The following JAK2 variants were observed in gnomAD, a reference collection of about 807,000 sequenced individuals.
JAK2 encodes tyrosine-protein kinase JAK2.
Under a neutral mutation model 139.3 loss-of-function variants are expected in JAK2, and 86 were observed. That is an observed-to-expected ratio of 0.62 (90% CI 0.52 to 0.74). The LOEUF is 0.74. JAK2 is among the 30% of genes least tolerant of loss of function. JAK2 has a pLI of 0.00. For missense variants in JAK2, 1,421 were observed against 1,360.3 expected (o/e 1.04, Z -0.70); for synonymous variants, 490 against 437.7 (o/e 1.12, Z -1.49).
chr9:4,991,948 T>C (rs1054267967), intron 2 of JAK2, among the ~76,000 whole-genome samples: 2 of 152,204 alleles, frequency 1.3e-5, no homozygotes, highest in African/African-American at 2.4e-5. Flanking sequence ...CTGATTGCTA[T>C]TGCTGTGTAA....
intron 8 of JAK2, among the ~76,000 whole-genome samples, chr9:5,060,027 A>G (rs920539227): frequency 6.6e-6 from 1 of 152,212 alleles, no homozygotes; most frequent in African/African-American, 2.4e-5. Flanking sequence ...CAAATTTTGC[A>G]ATGAAGTGAG....
At chr9:5,055,957 A>G (rs550945745) in intron 8 of JAK2, among the ~76,000 whole-genome samples, 169 bp downstream of exon 8, 2 of 152,152 alleles carry the variant, frequency 1.3e-5, no homozygotes, top group African/African-American at 4.8e-5. Context: ...AGCTTTTTGT[A>G]TTACTATCAA....
At chr9:5,058,956 A>C (rs976300443) in intron 8 of JAK2, among the ~76,000 whole-genome samples, 7 of 152,244 alleles carry the variant, frequency 4.6e-5, no homozygotes, top group Admixed American at 4.6e-4. Context: ...ATGATTTGCA[A>C]ATATTTTCTC....
chr9:5,034,260 A>G (rs1012967564), intron 4 of JAK2, among the ~76,000 whole-genome samples: 1 of 152,186 alleles, frequency 6.6e-6, no homozygotes, highest in African/African-American at 2.4e-5. Context: ...AGAGACCTAC[A>G]AAGAGACTTA....
chr9:4,987,710 T>C (rs552268225), intron 2 of JAK2, among the ~76,000 whole-genome samples: 1 of 144,756 alleles, frequency 6.9e-6, no homozygotes, highest in Admixed American at 7.1e-5. Flanking sequence ...CACTCCAGGC[T>C]GGGCAACACA....
intron 2 of JAK2, among the ~76,000 whole-genome samples, chr9:4,987,734 TAAAA>T (rs60356569): frequency 2.4e-5 from 3 of 126,656 alleles, no homozygotes; most frequent in Non-Finnish European, 3.3e-5. Context: ...AGACTCTGTC[TAAAA>T]AAAAAAAAAA....
intron 22 of JAK2, chr9:5,094,559 T>A (rs10115518): frequency 1.3e-5 from 2 of 151,986 alleles, no homozygotes; most frequent in African/African-American, 4.8e-5. Context: ...TCAACTTATA[T>A]GCATGCATCA....
At chr9:5,043,351 A>G (rs778176362) in intron 4 of JAK2, among the ~76,000 whole-genome samples, 5 of 152,200 alleles carry the variant, frequency 3.3e-5, no homozygotes, top group Non-Finnish European at 5.9e-5. Context: ...CGAAAAAAAG[A>G]TGCCCAACAT....
intron 2 of JAK2, among the ~76,000 whole-genome samples, chr9:4,990,293 A>C (rs1820167079): frequency 6.6e-6 from 1 of 152,206 alleles, no homozygotes. Flanking sequence ...GAGATTTAAA[A>C]ATGTGTCCAA....
At chr9:5,061,237 T>C (rs527428120) in intron 8 of JAK2, among the ~76,000 whole-genome samples, 1 of 152,254 alleles carries the variant, frequency 6.6e-6, no homozygotes. Flanking sequence ...ACCAATGGCA[T>C]AGGCCCTTAG....
intron 22 of JAK2, among the ~76,000 whole-genome samples, chr9:5,107,567 A>C (rs754581574): frequency 6.6e-6 from 1 of 152,176 alleles, no homozygotes; most frequent in Non-Finnish European, 1.5e-5. Context: ...GATTGAATTG[A>C]ATTGGTAAAT....
intron 8 of JAK2, among the ~76,000 whole-genome samples, chr9:5,060,943 C>G (rs938941582): frequency 6.6e-6 from 1 of 152,168 alleles, no homozygotes; most frequent in Non-Finnish European, 1.5e-5. Context: ...GTTGTGTCAC[C>G]AGGTCTGAAA....
intron 4 of JAK2, among the ~76,000 whole-genome samples, chr9:5,042,236 C>CA (rs1816628968): frequency 2.0e-5 from 3 of 149,752 alleles, no homozygotes; most frequent in Non-Finnish European, 4.4e-5. Flanking sequence ...CTCCCGGGTT[C>CA]CCGCCATTCT....
intron 20 of JAK2, 97 bp downstream of exon 20, chr9:5,089,960 C>CTCTCCCTCTGGGCATTGGCAT: frequency 1.3e-6 from 1 of 764,404 alleles, no homozygotes; most frequent in Non-Finnish European, 1.9e-6. Context: ...GGACTTATGC[C>CTCTCCCTCTGGGCATTGGCAT]AATGCCCAGA....
At chr9:5,041,788 G>T in intron 4 of JAK2, 2 of 487,028 alleles carry the variant, frequency 4.1e-6, no homozygotes, top group Admixed American at 4.6e-5. Flanking sequence ...CCTCAGCTTC[G>T]GGACAAAGAT....
At chr9:5,006,981 T>G (rs1021644807) in intron 2 of JAK2, among the ~76,000 whole-genome samples, 2 of 152,232 alleles carry the variant, frequency 1.3e-5, no homozygotes, top group Non-Finnish European at 2.9e-5. Context: ...AATGTCTACT[T>G]TTTAATTCCC....
At chr9:5,097,211 C>G (rs1044656628) in intron 22 of JAK2, 1 of 152,192 alleles carries the variant, frequency 6.6e-6, no homozygotes, top group Admixed American at 6.5e-5. Flanking sequence ...CACCCCTTTT[C>G]GTCCAACCAT....
intron 8 of JAK2, among the ~76,000 whole-genome samples, chr9:5,063,032 G>C (rs1205242454): frequency 6.6e-6 from 1 of 151,854 alleles, no homozygotes; most frequent in Non-Finnish European, 1.5e-5. Context: ...TATAGTACTT[G>C]TTTTTTTGGC....
At chr9:5,091,938 G>T (rs1484470559) in intron 22 of JAK2, among the ~76,000 whole-genome samples, 1 of 152,056 alleles carries the variant, frequency 6.6e-6, no homozygotes, top group East Asian at 1.9e-4. Context: ...ATAGTTGTTT[G>T]GGGGGATGAA....
Sources: gnomAD v4.1 joint callset for allele counts (sites outside exome capture counted in the v4.1 genomes callset) on GRCh38, gnomAD v4.1.1 for gene constraint, MANE v1.5 for transcripts, NCBI Gene and HGNC (gene_info 2026-07-23, HGNC 2026-07-21) for gene names.